The following DNAJC6 variants were observed in gnomAD, a reference collection of about 807,000 sequenced individuals.
DNAJC6 encodes the protein auxilin.
Under a neutral mutation model 110.0 loss-of-function variants are expected in DNAJC6, and 34 were observed. The observed-to-expected ratio is 0.31, with a 90% CI of 0.24 to 0.41. The LOEUF (loss-of-function observed/expected upper bound fraction) is 0.41, where lower values mean the gene tolerates loss of function less well. Ranked by LOEUF, DNAJC6 falls within the 10% of genes least tolerant of loss-of-function variation. DNAJC6 has a pLI of 1.00. For missense variants in DNAJC6, 1,031 were observed against 1,207.8 expected (o/e 0.85, Z 2.17); for synonymous variants, 406 against 437.2 (o/e 0.93, Z 0.89).
chr1:65,374,975 A>ATTTTTT (rs57352713), intron 4 of DNAJC6, among the ~76,000 whole-genome samples: 3 of 143,304 alleles, frequency 2.1e-5, no homozygotes, highest in South Asian at 2.2e-4. Flanking sequence ...TTTTCTGAGG[A>ATTTTTT]TTTTTTTTTT....
intron 4 of DNAJC6, among the ~76,000 whole-genome samples, chr1:65,376,495 C>G (rs2101582837): frequency 6.6e-6 from 1 of 151,764 alleles, no homozygotes; most frequent in Non-Finnish European, 1.5e-5. Context: ...AATTTGAAGT[C>G]TTTCTACTTT....
rs1166251632 is a variant in DNAJC6, at chr1:65,392,377, C to G, written c.1469-54C>G. 5 of 1,475,458 alleles carry G rather than the reference C, an allele frequency of 3.4e-6. No homozygotes were observed. The East Asian group carries it at 1.2e-4, about 34-fold the overall frequency. 91.4% of individuals were successfully genotyped at this position (1,475,458 alleles called of 1,614,324 possible). On this transcript the variant is annotated intron_variant, in intron 11 of 18. Transcript: ENST00000371069. ...TTATATACATATATTATAACAAAAA[C>G]CAACAATGCTGTGGTCAGCAACTAA...
At chr1:65,343,769 G>A (rs534629628) in intron 1 of DNAJC6, among the ~76,000 whole-genome samples, 9 of 152,152 alleles carry the variant, frequency 5.9e-5, no homozygotes, top group South Asian at 4.1e-4. Context: ...AAAATATTCC[G>A]AGGTTGTATA....
chr1:65,302,972 C>T (rs1454441318), intron 1 of DNAJC6, among the ~76,000 whole-genome samples: 1 of 152,172 alleles, frequency 6.6e-6, no homozygotes, highest in Non-Finnish European at 1.5e-5. Flanking sequence ...AATCTCTGCT[C>T]TTTGTGAATT....
chr1:65,298,093 ACT>A (rs1188842631), intron 1 of DNAJC6, among the ~76,000 whole-genome samples: 1 of 151,724 alleles, frequency 6.6e-6, no homozygotes, highest in Non-Finnish European at 1.5e-5. Context: ...GAGTAATAAA[ACT>A]CTGATCTCCC....
intron 1 of DNAJC6, among the ~76,000 whole-genome samples, chr1:65,273,251 T>C (rs1261297162): frequency 6.6e-6 from 1 of 152,240 alleles, no homozygotes. Flanking sequence ...GAAGGTATCT[T>C]TGATTTTCAG....
chr1:65,291,785 T>C (rs1260886368), intron 1 of DNAJC6, among the ~76,000 whole-genome samples: 1 of 152,180 alleles, frequency 6.6e-6, no homozygotes, highest in Non-Finnish European at 1.5e-5. Flanking sequence ...AAGTTTGATA[T>C]GAAAAGTTTG....
chr1:65,375,609 G>T (rs1036992640), intron 4 of DNAJC6, among the ~76,000 whole-genome samples: 2 of 151,980 alleles, frequency 1.3e-5, no homozygotes, highest in African/African-American at 2.4e-5. Context: ...TGTATTTTTA[G>T]TAGAGACGGG....
chr1:65,407,005 C>G (rs1253989075), intron 16 of DNAJC6, among the ~76,000 whole-genome samples: 2 of 152,152 alleles, frequency 1.3e-5, no homozygotes, highest in Non-Finnish European at 2.9e-5. Context: ...AGGCATCCCC[C>G]TTTATTTGTG....
At chr1:65,274,004 T>G (rs1464447799) in intron 1 of DNAJC6, among the ~76,000 whole-genome samples, 1 of 152,226 alleles carries the variant, frequency 6.6e-6, no homozygotes, top group Non-Finnish European at 1.5e-5. Flanking sequence ...GTGCGGATCT[T>G]CTGTATCCTC....
chr1:65,368,500 TC>T (rs1455712363), intron 4 of DNAJC6, among the ~76,000 whole-genome samples: 1 of 151,698 alleles, frequency 6.6e-6, no homozygotes, highest in African/African-American at 2.4e-5. Context: ...CCTTCCTTCT[TC>T]CCTTCTCTTT....
chr1:65,286,581 C>T (rs1654026814), intron 1 of DNAJC6, among the ~76,000 whole-genome samples: 1 of 152,090 alleles, frequency 6.6e-6, no homozygotes, highest in African/African-American at 2.4e-5. Context: ...TTCTGTTCAC[C>T]TACAGATCAC....
intron 13 of DNAJC6, among the ~76,000 whole-genome samples, chr1:65,395,296 C>A (rs563850220): frequency 8.5e-5 from 13 of 152,206 alleles, no homozygotes; most frequent in African/African-American, 2.9e-4. Flanking sequence ...TGGACAGAAT[C>A]ATAAATGACC....
chr1:65,370,136 A>T (rs569348476), intron 4 of DNAJC6, among the ~76,000 whole-genome samples: 239 of 152,280 alleles, frequency 1.6e-3, no homozygotes, highest in African/African-American at 5.5e-3. Flanking sequence ...CTGGAGACCA[A>T]CAAGATGCAT....
chr1:65,324,836 G>A (rs986178888), intron 1 of DNAJC6, among the ~76,000 whole-genome samples: 2 of 152,118 alleles, frequency 1.3e-5, no homozygotes. Flanking sequence ...AGGCCAGGGT[G>A]TTGCCAAACA....
At position 65,408,724 on chromosome 1, in the gene DNAJC6, A is replaced by G; in HGVS notation, c.2575A>G (p.Thr859Ala). 3.1e-6 allele frequency: 5 copies of G among 1,614,116 alleles called. No homozygotes were observed. Among genetic ancestry groups the G allele is most frequent in the Non-Finnish European group, 4.2e-6 (5 of 1,179,990 alleles). Residue 859 changes from threonine to alanine, a missense_variant, in exon 17 of 19, where the codon ACA (threonine) becomes GCA (alanine). Physicochemically the swap from Thr to Ala is moderately conservative, Grantham distance 58. Transcript: ENST00000371069. ...TCACAAAGACAAAAAGGGGCCTCGG[A>G]CAATAGCTGAGATGAGAAAGGAGGA... Reference protein sequence around the residue: ...NAHKDKKGPRTIAEMRKEEMA... With the variant: ...NAHKDKKGPRAIAEMRKEEMA...
At chr1:65,297,734 A>G (rs1224486051) in intron 1 of DNAJC6, among the ~76,000 whole-genome samples, 1 of 152,210 alleles carries the variant, frequency 6.6e-6, no homozygotes, top group Non-Finnish European at 1.5e-5. Context: ...TAGCTGCAAG[A>G]TTGGAAATGT....
intron 1 of DNAJC6, among the ~76,000 whole-genome samples, chr1:65,357,868 A>G (rs776597012): frequency 1.3e-5 from 2 of 152,152 alleles, no homozygotes; most frequent in African/African-American, 2.4e-5. Context: ...TTTATGTAAC[A>G]TATTTTTAAT....
chr1:65,343,952 G>A (rs1415299229), intron 1 of DNAJC6, among the ~76,000 whole-genome samples: 5 of 152,166 alleles, frequency 3.3e-5, no homozygotes, highest in Non-Finnish European at 7.4e-5. Context: ...GAACAGAAAC[G>A]TGTTCCAATT....
Sources: allele counts gnomAD v4.1 joint callset (sites outside exome capture counted in the v4.1 genomes callset), GRCh38; gene constraint gnomAD v4.1.1; transcripts MANE v1.5; gene names NCBI Gene and HGNC (gene_info 2026-07-23, HGNC 2026-07-21).